TECPR2: variants seen among roughly 807,000 people sequenced by gnomAD.
TECPR2 encodes tectonin beta-propeller repeat containing 2.
A neutral mutation model predicts 138.1 loss-of-function variants in TECPR2; 65 were observed. That is an observed-to-expected ratio of 0.47 (90% CI 0.39 to 0.58). The LOEUF (loss-of-function observed/expected upper bound fraction) is 0.58, where lower values mean the gene tolerates loss of function less well. Ranked by LOEUF, TECPR2 falls within the 20% of genes least tolerant of loss-of-function variation. The pLI, the probability that TECPR2 is intolerant of heterozygous loss-of-function variation, is 0.00. For missense variants in TECPR2, 1,553 were observed against 1,824.5 expected (o/e 0.85, Z 2.71); for synonymous variants, 746 against 749.8 (o/e 0.99, Z 0.08).
At chr14:102,437,197 G>C (rs193107102) in intron 9 of TECPR2, 3 of 982,910 alleles carry the variant, frequency 3.1e-6, no homozygotes, top group Admixed American at 6.1e-5. Context: ...TATCTTCTTT[G>C]CATTTATTGA....
intron 5 of TECPR2, 115 bp downstream of exon 5, chr14:102,414,908 C>T (rs1022772010): frequency 3.2e-5 from 42 of 1,331,184 alleles, no homozygotes; most frequent in African/African-American, 4.4e-5. Context: ...AAACCCACAG[C>T]GCCTCTAAGC....
chr14:102,398,868 A>C (rs1471664126), intron 2 of TECPR2, among the ~76,000 whole-genome samples: 1 of 151,820 alleles, frequency 6.6e-6, no homozygotes, highest in African/African-American at 2.4e-5. Context: ...AAAGGATTCA[A>C]CCTGAGGAAG....
intron 17 of TECPR2, among the ~76,000 whole-genome samples, chr14:102,478,983 C>T (rs1249022091): frequency 7.0e-6 from 1 of 142,296 alleles, no homozygotes; most frequent in African/African-American, 2.6e-5. Flanking sequence ...TGCCACTGCA[C>T]TCCAGCCTGG....
intron 17 of TECPR2, among the ~76,000 whole-genome samples, chr14:102,485,535 A>G (rs1471438270): frequency 6.6e-6 from 1 of 152,190 alleles, no homozygotes; most frequent in Non-Finnish European, 1.5e-5. Context: ...TGATACCTAG[A>G]AGTAGACCAC....
intron 16 of TECPR2, among the ~76,000 whole-genome samples, chr14:102,463,448 CAAAA>C (rs969897459): frequency 7.4e-6 from 1 of 134,410 alleles, no homozygotes; most frequent in Non-Finnish European, 1.6e-5. Flanking sequence ...AAGAAAAAAA[CAAAA>C]AAACAGGAGG....
At chr14:102,421,919 G>A (rs189034718) in intron 5 of TECPR2, among the ~76,000 whole-genome samples, 75 of 152,280 alleles carry the variant, frequency 4.9e-4, no homozygotes, top group African/African-American at 1.8e-3. Flanking sequence ...TTCACAATCT[G>A]AGAAGTATTT....
intron 17 of TECPR2, among the ~76,000 whole-genome samples, chr14:102,495,131 T>A (rs953092536): frequency 1.3e-5 from 2 of 151,976 alleles, no homozygotes; most frequent in African/African-American, 4.8e-5. Context: ...GGAGGATCAC[T>A]TGAGCCAGGG....
Position 102,438,248 on chromosome 14 carries a change from GC to G in TECPR2, c.2578+45del, listed in dbSNP as rs570518632. The G allele has an allele frequency of 5.7e-5, 89 of 1,564,544 alleles. No individual in the cohort carries two copies. The South Asian group carries it at 8.4e-4, about 15-fold the overall frequency. On this transcript the variant is annotated intron_variant, in intron 10 of 19. Coordinates refer to ENST00000359520, the MANE Select transcript of TECPR2 (RefSeq NM_014844.5). The stretch of plus-strand genomic sequence containing the variant: ...CTGCTCCCGCTCCCTGCTCCCGCTC[GC>G]CGCTCCTGCTCCCCGCCCCCGGGGT...
chr14:102,447,138 T>A (rs558301687), intron 13 of TECPR2, among the ~76,000 whole-genome samples: 1 of 152,186 alleles, frequency 6.6e-6, no homozygotes, highest in Non-Finnish European at 1.5e-5. Flanking sequence ...GCGCCTAGAA[T>A]GAATTTCTCT....
rs1418589269 is a variant in TECPR2, at chr14:102,498,971, A to ACACAC, written c.*721_*725dup. 1.4e-6 allele frequency: 1 copy of ACACAC among 693,850 alleles called. No homozygotes were observed. The highest frequency in any genetic ancestry group is 1.5e-5 in the South Asian group (1 of 66,560). The allele number at this position is 693,850 out of a possible 1,614,324, so 43.0% of individuals were successfully genotyped here. The stretch of plus-strand genomic sequence containing the variant: ...ACACCACAGCACACCTCACCACACA[A>ACACAC]CACACCACACCCCACACCGCACTGC... On this transcript the variant is annotated 3_prime_UTR_variant, in exon 20 of 20. Transcript: ENST00000359520.
chr14:102,378,061 C>T (rs1170984974), intron 2 of TECPR2, among the ~76,000 whole-genome samples: 1 of 152,172 alleles, frequency 6.6e-6, no homozygotes, highest in Non-Finnish European at 1.5e-5. Context: ...TATTGGTGAA[C>T]TGTAATGTAA....
At chr14:102,478,569 T>C (rs1567358531) in intron 17 of TECPR2, among the ~76,000 whole-genome samples, 6 of 151,558 alleles carry the variant, frequency 4.0e-5, no homozygotes. Flanking sequence ...TAGTTCCAGC[T>C]ACTGGGGAGG....
intron 2 of TECPR2, among the ~76,000 whole-genome samples, chr14:102,400,788 C>T (rs895954842): frequency 3.3e-5 from 5 of 152,096 alleles, no homozygotes; most frequent in African/African-American, 9.7e-5. Flanking sequence ...AACCCCAGCA[C>T]TTTGGGAGGC....
intron 2 of TECPR2, among the ~76,000 whole-genome samples, chr14:102,380,236 G>A (rs2139661309): frequency 6.6e-6 from 1 of 152,254 alleles, no homozygotes; most frequent in African/African-American, 2.4e-5. Flanking sequence ...CATGCACAGA[G>A]GCGTCCTAGT....
chr14:102,437,919 C>T, intron 9 of TECPR2, 103 bp from the exon 10 acceptor site: 6 of 1,352,684 alleles, frequency 4.4e-6, no homozygotes, highest in Non-Finnish European at 5.0e-6. Flanking sequence ...ACCCGTTTTA[C>T]CGTCTCGTGT....
In TECPR2 at chr14:102,497,681, A is replaced by G. The variant is rs1215001867; in HGVS notation, c.4043A>G (p.Tyr1348Cys). ...GVTDKNPAGD[Y>C]WKKIPGSVSC... ...ACAGACAAGAACCCCGCCGGGGACT[A>G]CTGGAAGAAAATTCCCGGCAGCGTG... The change falls in exon 19 of 20, where the codon TAC becomes TGC. Residue 1348 changes from tyrosine (Y) to cysteine (C), a missense_variant. Coordinates refer to ENST00000359520, the MANE Select transcript of TECPR2 (RefSeq NM_014844.5). The G allele has an allele frequency of 6.2e-7, 1 of 1,609,348 alleles. No individual in the cohort carries two copies. Among genetic ancestry groups the G allele is most frequent in the Admixed American group, 1.7e-5 (1 of 59,642 alleles).
At chr14:102,400,819 G>A (rs1411517286) in intron 2 of TECPR2, among the ~76,000 whole-genome samples, 1 of 151,512 alleles carries the variant, frequency 6.6e-6, no homozygotes, top group African/African-American at 2.4e-5. Flanking sequence ...GGATCACGAG[G>A]TCAGGAGTTC....
At chr14:102,421,677 A>G (rs1889187688) in intron 5 of TECPR2, among the ~76,000 whole-genome samples, 1 of 152,190 alleles carries the variant, frequency 6.6e-6, no homozygotes, top group Non-Finnish European at 1.5e-5. Flanking sequence ...CTCGTTCAGG[A>G]CAATTGAGCA....
At chr14:102,405,452 C>T (rs1047250762) in intron 2 of TECPR2, among the ~76,000 whole-genome samples, 1 of 151,986 alleles carries the variant, frequency 6.6e-6, no homozygotes, top group Non-Finnish European at 1.5e-5. Context: ...ATTATTAGGG[C>T]ATGCATGTCA....
Sources: gnomAD v4.1 joint callset for allele counts (sites outside exome capture counted in the v4.1 genomes callset) on GRCh38, gnomAD v4.1.1 for gene constraint, MANE v1.5 for transcripts, NCBI Gene and HGNC (gene_info 2026-07-23, HGNC 2026-07-21) for gene names.